The following AHNAK variants were observed in gnomAD, a reference collection of about 807,000 sequenced individuals.
AHNAK encodes neuroblast differentiation-associated protein AHNAK.
AHNAK carries 23 observed loss-of-function variants against 37.8 expected under a neutral mutation model. That is an observed-to-expected ratio of 0.61 (90% confidence interval 0.44 to 0.86). AHNAK has a LOEUF of 0.86. Ranked by LOEUF, AHNAK falls within the 40% of genes least tolerant of loss-of-function variation. AHNAK has a pLI of 0.00. For missense variants in AHNAK, 7,411 were observed against 7,319.4 expected (o/e 1.01, Z -0.46); for synonymous variants, 2,481 against 2,636.3 (o/e 0.94, Z 1.80).
chr11:62,480,551 C>T (rs925425192), intron 5 of AHNAK, among the ~76,000 whole-genome samples: 1 of 151,800 alleles, frequency 6.6e-6, no homozygotes, highest in Non-Finnish European at 1.5e-5. Context: ...ATCCCAGCTA[C>T]GTGGGAGGTT....
Position 62,520,136 on chromosome 11 carries a change from T to C in AHNAK, c.14281A>G (p.Lys4761Glu), listed in dbSNP as rs375740050. ...KGPEADIKGP[K>E]VDINTPDVDV... The stretch of plus-strand genomic sequence containing the variant: ...ACATCAGGGGTGTTGATGTCCACTT[T>C]TGGGCCCTTGATGTCAGCTTCTGGG... Residue 4761 changes from lysine (K) to glutamate (E), a missense_variant, in exon 5 of 5, where the codon AAA (lysine) becomes GAA (glutamate). Physicochemically the swap from Lys to Glu is moderately conservative, Grantham distance 56. Coordinates refer to ENST00000378024, the MANE Select transcript of AHNAK (RefSeq NM_001620.3). 8 of 1,613,056 alleles carry C rather than the reference T, an allele frequency of 5.0e-6. No individual in the cohort carries two copies. In the African/African-American group the frequency reaches 5.4e-5, roughly 11 times the overall value.
At chr11:62,438,575 G>A (rs983750727) in intron 5 of AHNAK, among the ~76,000 whole-genome samples, 5 of 152,092 alleles carry the variant, frequency 3.3e-5, no homozygotes, top group Non-Finnish European at 7.3e-5. Flanking sequence ...TCAGACATAT[G>A]TATTGCAGAT....
intron 4 of AHNAK, among the ~76,000 whole-genome samples, chr11:62,496,921 T>A: frequency 6.7e-6 from 1 of 149,472 alleles, no homozygotes; most frequent in African/African-American, 2.5e-5. Flanking sequence ...AAAACAGAGG[T>A]TGAGAAAAAT....
rs1258272455 is a variant in AHNAK at position 62,529,052 on chromosome 11, T to A, written c.5365A>T (p.Asn1789Tyr). 6.2e-7 allele frequency: 1 copy of A among 1,613,608 alleles called. No homozygotes were observed. The highest frequency in any genetic ancestry group is 1.1e-5 in the South Asian group (1 of 91,042). The change falls in exon 5 of 5, where the codon AAT (asparagine) becomes TAT (tyrosine). Residue 1789 changes from asparagine to tyrosine, a missense_variant. Transcript: ENST00000378024. ...PKVSMPDVDL[N>Y]LKGPKLKGEI... Reference sequence around the variant, plus strand: ...CCCTTCAGTTTGGGTCCCTTCAAATTCAAGTCCACATCTGGCATGGAGACC... The same window carrying A: ...CCCTTCAGTTTGGGTCCCTTCAAATACAAGTCCACATCTGGCATGGAGACC...
Position 62,529,079 on chromosome 11 carries a change from T to C in AHNAK, c.5338A>G (p.Lys1780Glu), listed in dbSNP as rs115023840. ...KMPKLNIKAPKVSMPDVDLNL... is the reference protein window; with the variant it reads ...KMPKLNIKAPEVSMPDVDLNL... ...AAGTCCACATCTGGCATGGAGACCT[T>C]GGGAGCTTTTATATTCAACTTGGGC... Residue 1780 changes from lysine (K) to glutamate (E), a missense_variant, in exon 5 of 5, where the codon AAG becomes GAG. By Grantham distance (56) the Lys-to-Glu change is moderately conservative. Transcript: ENST00000378024. 16 of 1,614,062 alleles carry C rather than the reference T, an allele frequency of 9.9e-6. No homozygotes were observed. In the East Asian group the frequency reaches 3.6e-4, roughly 36 times the overall value.
chr11:62,504,456 C>T (rs1004057412), intron 4 of AHNAK, among the ~76,000 whole-genome samples: 2 of 152,124 alleles, frequency 1.3e-5, no homozygotes, highest in African/African-American at 2.4e-5. Context: ...TCTCATCTGA[C>T]TTCCCTATCT....
At chr11:62,483,281 G>A (rs991791867) in intron 5 of AHNAK, among the ~76,000 whole-genome samples, 5 of 152,190 alleles carry the variant, frequency 3.3e-5, no homozygotes, top group African/African-American at 4.8e-5. Flanking sequence ...AGGATGATAC[G>A]GGAGTCGGGG....
intron 5 of AHNAK, among the ~76,000 whole-genome samples, chr11:62,471,777 C>T (rs1161755396): frequency 1.3e-5 from 2 of 152,138 alleles, no homozygotes; most frequent in African/African-American, 2.4e-5. Context: ...GGGAGACTGG[C>T]CGGGATGCGG....
intron 1 of AHNAK, among the ~76,000 whole-genome samples, chr11:62,538,442 C>A (rs1023373218): frequency 6.6e-6 from 1 of 152,218 alleles, no homozygotes. Flanking sequence ...ACAGCCACAG[C>A]ACAAAATGGC....
intron 5 of AHNAK, among the ~76,000 whole-genome samples, chr11:62,461,402 C>G (rs1938785174): frequency 6.6e-6 from 1 of 152,002 alleles, no homozygotes; most frequent in Admixed American, 6.6e-5. Flanking sequence ...CCTCGGCCTC[C>G]CAAAGTGCTG....
Position 62,532,484 on chromosome 11 carries a change from C to T in AHNAK, c.1933G>A (p.Gly645Ser). The change falls in exon 5 of 5, where the codon GGT (glycine) becomes AGT (serine). Residue 645 changes from glycine to serine, a missense_variant. Physicochemically the swap from Gly to Ser is moderately conservative, Grantham distance 56 (BLOSUM62 0). Coordinates refer to ENST00000378024, the MANE Select transcript of AHNAK (RefSeq NM_001620.3). ...GGTAGAGTCATATGAACATCTGGAC[C>T]TTCCCCTTTGGCTCCTGGAGTGCTG... ...TFSTPGAKGE[G>S]PDVHMTLPKG... 6.2e-7 allele frequency: 1 copy of T among 1,614,006 alleles called. No individual in the cohort carries two copies. The highest frequency in any genetic ancestry group is 2.2e-5 in the East Asian group (1 of 44,874).
At chr11:62,537,074 C>A (rs1482806362) in intron 1 of AHNAK, among the ~76,000 whole-genome samples, 1 of 151,962 alleles carries the variant, frequency 6.6e-6, no homozygotes, top group Non-Finnish European at 1.5e-5. Flanking sequence ...CTGCCTCAGC[C>A]TCCCGAGTAG....
At chr11:62,490,010 T>C (rs947714287) in intron 5 of AHNAK, among the ~76,000 whole-genome samples, 1 of 151,496 alleles carries the variant, frequency 6.6e-6, no homozygotes, top group Admixed American at 6.6e-5. Context: ...TGAAGTGGAA[T>C]CAGCAAGAGC....
In AHNAK at chr11:62,523,484, C is replaced by T. The variant is rs757883070; in HGVS notation, c.10933G>A (p.Val3645Met). 12 of 1,613,240 alleles carry T rather than the reference C, an allele frequency of 7.4e-6. No individual in the cohort carries two copies. Among genetic ancestry groups the T allele is most frequent in the Admixed American group, 3.3e-5 (2 of 59,900 alleles). The stretch of plus-strand genomic sequence containing the variant: ...TTTGCATCTGGACCTTCAATATTCA[C>T]GTCTGGAACATCAACGTCTACATTG... ...GPNVDVDVPD[V>M]NIEGPDAKLK... The change falls in exon 5 of 5, where the codon GTG becomes ATG. Residue 3645 changes from valine (V) to methionine (M), a missense_variant. Val to Met is a conservative substitution (Grantham distance 21). Transcript: ENST00000378024.
Position 62,478,263 on chromosome 11 carries a change from G to A in AHNAK, c.442+13469C>T, listed in dbSNP as rs1262117353. ...AGGGCCCAGGGGCTAAGCAGGAGCT[G>A]GGGCTGAGCCCCTGAGGTCTTTTCA... On this transcript the variant is annotated intron_variant, in intron 5 of 5. Coordinates refer to the AHNAK transcript ENST00000257247. 3.9e-5 allele frequency among the ~76,000 whole-genome samples: 6 copies of A among 152,192 alleles called. No homozygotes were observed. In the South Asian group the frequency reaches 1.2e-3, roughly 32 times the overall value.
intron 5 of AHNAK, among the ~76,000 whole-genome samples, chr11:62,490,740 A>G (rs1333862941): frequency 2.6e-5 from 4 of 152,074 alleles, no homozygotes; most frequent in African/African-American, 9.7e-5. Context: ...CTCAGTGAAC[A>G]TGACAAAATG....
rs1940811807 is a variant in AHNAK at position 62,532,865 on chromosome 11, T to A, written c.1552A>T (p.Ile518Phe). Reference sequence around the variant, plus strand: ...TGCACCCCAGGAGCAGAAACCTTAATATCTCCTTTCAGTTTAGGAGACCCA... The same window carrying A: ...TGCACCCCAGGAGCAGAAACCTTAAAATCTCCTTTCAGTTTAGGAGACCCA... The part of the protein sequence containing the change: ...SLGSPKLKGD[I>F]KVSAPGVQGD... The change falls in exon 5 of 5, where the codon ATT (isoleucine) becomes TTT (phenylalanine). Residue 518 changes from isoleucine (I) to phenylalanine (F), a missense_variant. Coordinates refer to ENST00000378024, the MANE Select transcript of AHNAK (RefSeq NM_001620.3). 1 of 1,614,110 alleles carries A rather than the reference T, an allele frequency of 6.2e-7. No homozygotes were observed. The highest frequency in any genetic ancestry group is 8.5e-7 in the Non-Finnish European group (1 of 1,180,016).
intron 5 of AHNAK, among the ~76,000 whole-genome samples, chr11:62,483,542 C>T (rs373793871): frequency 5.6e-4 from 85 of 151,588 alleles, no homozygotes; most frequent in Non-Finnish European, 9.6e-4. Flanking sequence ...CTGGCTAACA[C>T]GGTGAAACCC....
At position 62,527,401 on chromosome 11, in the gene AHNAK, C is replaced by T. The variant is rs147547474; in HGVS notation, c.7016G>A (p.Gly2339Glu). The change falls in exon 5 of 5, where the codon GGA becomes GAA. Residue 2339 changes from glycine (G) to glutamate (E), a missense_variant. By Grantham distance (98) the Gly-to-Glu change is moderately conservative. Transcript: ENST00000378024. ...DVDVSAPKLE[G>E]ELKGPELDVK... ...ATCCAATTCTGGACCTTTTAACTCTCCCTCCAGCTTTGGGGCAGAAACATC... is the reference window on the plus strand; with the variant it reads ...ATCCAATTCTGGACCTTTTAACTCTTCCTCCAGCTTTGGGGCAGAAACATC... 457 of 1,614,182 alleles carry T rather than the reference C, an allele frequency of 2.8e-4. No individual in the cohort carries two copies. In the African/African-American group the frequency reaches 4.5e-3, roughly 16 times the overall value.
Sources: gnomAD v4.1 joint callset for allele counts (sites outside exome capture counted in the v4.1 genomes callset) on GRCh38, gnomAD v4.1.1 for gene constraint, MANE v1.5 for transcripts, NCBI Gene and HGNC (gene_info 2026-07-23, HGNC 2026-07-21) for gene names.